Variants in PRKN observed in about 807,000 individuals in gnomAD.
PRKN encodes parkin RBR E3 ubiquitin protein ligase.
A neutral mutation model predicts 59.5 loss-of-function variants in PRKN; 56 were observed. That is an observed-to-expected ratio of 0.94 (90% CI 0.76 to 1.18). The LOEUF (loss-of-function observed/expected upper bound fraction) is 1.18. PRKN is among the 50% of genes most tolerant of loss of function. The pLI is 0.00. For missense variants in PRKN, 657 were observed against 596.4 expected, an observed-to-expected ratio of 1.10 and a Z score of -1.06; for synonymous variants, 250 against 222.1, an observed-to-expected ratio of 1.13 and a Z score of -1.12.
intron 1 of PRKN, among the ~76,000 whole-genome samples, chr6:162,514,862 TTTAA>T (rs550427720): frequency 2.0e-5 from 3 of 152,184 alleles, no homozygotes; most frequent in Admixed American, 2.0e-4. Context: ...ATAATTTTTC[TTTAA>T]TTAAATCTAT....
intron 6 of PRKN, among the ~76,000 whole-genome samples, chr6:161,792,183 T>A (rs891310938): frequency 2.6e-5 from 4 of 152,242 alleles, no homozygotes; most frequent in Non-Finnish European, 2.9e-5. Flanking sequence ...CCCAAATTCC[T>A]GACCTGCTGA....
chr6:162,536,636 T>C (rs563717391), intron 1 of PRKN, among the ~76,000 whole-genome samples: 1 of 152,274 alleles, frequency 6.6e-6, no homozygotes, highest in South Asian at 2.1e-4. Context: ...AACTTCTTTA[T>C]GGCTAGGCCT....
At chr6:162,415,039 T>C (rs67044637) in intron 2 of PRKN, among the ~76,000 whole-genome samples, 83,507 of 151,914 alleles carry the variant, frequency 0.55, 23,918 homozygotes, top group African/African-American at 0.71. Context: ...GATGGCAAAA[T>C]GCTAGTAAAC....
At position 161,561,394 on chromosome 6, in the gene PRKN, G is replaced by GGA. The variant is rs1583230208; in HGVS notation, c.933+7959_933+7960dup. ...CCATCCATACTTTATATTTCACTGA[G>GGA]GAGAGAGGAATCATGGCTGATGTCC... On this transcript the variant is annotated intron_variant, in intron 8 of 11. Transcript: ENST00000366898. This position sits in a 1 kb window ranked among gnomAD's most constrained non-coding sequence, Gnocchi z 5.0. Among the ~76,000 whole-genome samples the GGA allele has an allele frequency of 6.6e-6, 1 of 152,158 alleles. No homozygotes were observed. The highest frequency in any genetic ancestry group is 1.9e-4 in the East Asian group (1 of 5,198).
intron 1 of PRKN, among the ~76,000 whole-genome samples, chr6:162,684,629 C>A (rs1305520510): frequency 6.6e-6 from 1 of 152,174 alleles, no homozygotes; most frequent in Non-Finnish European, 1.5e-5. Flanking sequence ...TCCTTATCTA[C>A]AAAATAGAGA....
intron 7 of PRKN, among the ~76,000 whole-genome samples, chr6:161,712,623 C>T (rs940773820): frequency 5.9e-5 from 9 of 152,108 alleles, no homozygotes; most frequent in Non-Finnish European, 8.8e-5. Flanking sequence ...ATTAAATTTA[C>T]TTCCATATGG....
chr6:162,569,008 T>C (rs6919747), intron 1 of PRKN: 367,157 of 688,026 alleles, frequency 0.53, 100,517 homozygotes, highest in East Asian at 0.73. Flanking sequence ...GAGGAGACCT[T>C]GGAGCTGCAG....
At chr6:162,625,994 T>C (rs2128221726) in intron 1 of PRKN, among the ~76,000 whole-genome samples, 1 of 152,308 alleles carries the variant, frequency 6.6e-6, no homozygotes, top group South Asian at 2.1e-4. Flanking sequence ...TAACTCGACA[T>C]ATCTTGACTA....
chr6:162,031,342 G>T (rs1783629655), intron 5 of PRKN, among the ~76,000 whole-genome samples: 1 of 151,800 alleles, frequency 6.6e-6, no homozygotes, highest in Non-Finnish European at 1.5e-5. Context: ...CTGCTGCTGT[G>T]GGTATGGAAG....
intron 4 of PRKN, among the ~76,000 whole-genome samples, chr6:162,156,035 T>C (rs926799017): frequency 2.6e-5 from 4 of 151,668 alleles, no homozygotes; most frequent in Admixed American, 6.6e-5. Flanking sequence ...GGAAAATGAG[T>C]CATAAATATA....
intron 7 of PRKN, among the ~76,000 whole-genome samples, chr6:161,587,285 T>C (rs184969253): frequency 1.2e-4 from 19 of 152,306 alleles, no homozygotes; most frequent in African/African-American, 4.1e-4. Context: ...TTCTTTATTA[T>C]TGATGTTTAG....
chr6:162,343,351 C>A (rs1258349834), intron 2 of PRKN, among the ~76,000 whole-genome samples: 3 of 152,184 alleles, frequency 2.0e-5, no homozygotes, highest in Non-Finnish European at 4.4e-5. Flanking sequence ...TCTGGCTTTG[C>A]AGAAGCCATG....
At chr6:161,945,936 A>C (rs1316889243) in intron 6 of PRKN, among the ~76,000 whole-genome samples, 1 of 152,134 alleles carries the variant, frequency 6.6e-6, no homozygotes, top group Non-Finnish European at 1.5e-5. Flanking sequence ...AATATTTTTT[A>C]TATTTCTATA....
At position 161,470,257 on chromosome 6, in the gene PRKN, C is replaced by T. The variant is rs1420297853; in HGVS notation, c.1083+78597G>A. ...TTGATTATATGCTTTAGTTATATTACTACCTTTGCTGTCATAGGCCCATTA... is the reference window on the plus strand; with the variant it reads ...TTGATTATATGCTTTAGTTATATTATTACCTTTGCTGTCATAGGCCCATTA... On this transcript the variant is annotated intron_variant, in intron 9 of 11. Transcript: ENST00000366898. The surrounding 1 kb of genome is among the most constrained non-coding windows in gnomAD (Gnocchi z 5.1). 6.6e-6 allele frequency among the ~76,000 whole-genome samples: 1 copy of T among 152,170 alleles called. No individual in the cohort carries two copies. The highest frequency in any genetic ancestry group is 1.5e-5 in the Non-Finnish European group (1 of 68,024).
chr6:161,388,029 T>A lies in PRKN; in HGVS notation c.1084-1152A>T, dbSNP rs371685237. On this transcript the variant is annotated intron_variant, in intron 9 of 11. Coordinates refer to ENST00000366898, the MANE Select transcript of PRKN (RefSeq NM_004562.3). The surrounding 1 kb of genome is among the most constrained non-coding windows in gnomAD (Gnocchi z 4.3). ...AGAGAGGCTCGTTTAGGGCTGTCTG[T>A]CTGGGATCCATGGACCTCTCCTGAA... is the stretch of plus-strand genomic sequence containing the variant. Among the ~76,000 whole-genome samples the A allele has an allele frequency of 5.3e-4, 80 of 152,330 alleles. No homozygotes were observed. The highest frequency in any genetic ancestry group is 1.8e-3 in the African/African-American group (73 of 41,576).
Position 162,328,737 on chromosome 6 carries a change from CT to C in PRKN, c.172-65973del, listed in dbSNP as rs763317599. ...GAGAAGAAGGAACAATTAAAACAGG[CT>C]CCAGGGATGAGGAGAATGGACTGGA... On this transcript the variant is annotated intron_variant, in intron 2 of 11. Transcript: ENST00000366898. Among the ~76,000 whole-genome samples, 38 of 152,242 alleles carry C rather than the reference CT, an allele frequency of 2.5e-4. 1 individual carries two copies. The highest frequency in any genetic ancestry group is 4.6e-4 in the Non-Finnish European group (31 of 68,020).
intron 2 of PRKN, among the ~76,000 whole-genome samples, chr6:162,339,503 C>T (rs1449738224): frequency 3.7e-5 from 5 of 135,802 alleles, no homozygotes; most frequent in African/African-American, 8.1e-5. Flanking sequence ...CCGCCCCGTC[C>T]GGGAGGGAGG....
rs1016463008 is a variant in PRKN at position 161,449,586 on chromosome 6, A to C, written c.1084-62709T>G. ...GTCAAAGCAACAATAAAATAAGCTG[A>C]CCCATAAGTGCACGTGTTGAAGAGG... is the stretch of plus-strand genomic sequence containing the variant. On this transcript the variant is annotated intron_variant, in intron 9 of 11. Coordinates refer to ENST00000366898, the MANE Select transcript of PRKN (RefSeq NM_004562.3). 9.2e-5 allele frequency among the ~76,000 whole-genome samples: 14 copies of C among 152,162 alleles called. 1 individual carries two copies. Among genetic ancestry groups the C allele is most frequent in the African/African-American group, 2.9e-4 (12 of 41,436 alleles).
intron 1 of PRKN, among the ~76,000 whole-genome samples, chr6:162,594,215 AT>A (rs1156581209): frequency 1.3e-5 from 2 of 152,278 alleles, no homozygotes; most frequent in Admixed American, 6.5e-5. Flanking sequence ...CAAATTCTTC[AT>A]GAAACAATTC....
Sources: gnomAD v4.1 joint callset for allele counts (sites outside exome capture counted in the v4.1 genomes callset) on GRCh38, gnomAD v4.1.1 for gene constraint, Gnocchi (gnomAD v3.1) non-coding constraint, MANE v1.5 for transcripts, NCBI Gene and HGNC (gene_info 2026-07-23, HGNC 2026-07-21) for gene names.